Variants in ATP6V0A1 observed in about 807,000 individuals in gnomAD.
The protein encoded by ATP6V0A1 is ATPase H+ transporting V0 subunit a1.
A neutral mutation model predicts 105.4 loss-of-function variants in ATP6V0A1; 43 were observed. The observed-to-expected ratio is 0.41, with a 90% CI of 0.32 to 0.53. The LOEUF is 0.53. Ranked by LOEUF, ATP6V0A1 falls within the 20% of genes least tolerant of loss-of-function variation. The probability of loss-of-function intolerance (pLI) is 0.30; values close to 1 mark genes in which losing one functional copy is unlikely to be tolerated. For missense variants in ATP6V0A1, 676 were observed against 1,051.1 expected (o/e 0.64, Z 4.93); for synonymous variants, 362 against 372.8 (o/e 0.97, Z 0.33).
intron 2 of ATP6V0A1, among the ~76,000 whole-genome samples, chr17:42,464,692 C>T (rs536675599): frequency 6.6e-6 from 1 of 152,226 alleles, no homozygotes; most frequent in East Asian, 1.9e-4. Context: ...CGTGAGCCAC[C>T]GTGCCCGGCC....
chr17:42,514,033 T>C, intron 20 of ATP6V0A1, 55 bp downstream of exon 20: 1 of 1,549,970 alleles, frequency 6.5e-7, no homozygotes, highest in Non-Finnish European at 8.9e-7. Context: ...GTGGGCGCAC[T>C]GTCAGTTGGG....
chr17:42,484,303 T>G (rs573889766), intron 9 of ATP6V0A1, among the ~76,000 whole-genome samples: 7 of 152,256 alleles, frequency 4.6e-5, no homozygotes, highest in Non-Finnish European at 5.9e-5. Context: ...GTGATCTGCC[T>G]GCCTCGGTCT....
At chr17:42,512,138 T>G (rs1348631982) in intron 19 of ATP6V0A1, among the ~76,000 whole-genome samples, 2 of 152,138 alleles carry the variant, frequency 1.3e-5, no homozygotes, top group Admixed American at 6.5e-5. Context: ...TCATGGCCGA[T>G]TGATACGGGC....
chr17:42,480,507 G>A (rs2089355220), intron 7 of ATP6V0A1, 160 bp from the exon 8 acceptor site: 1 of 578,620 alleles, frequency 1.7e-6, no homozygotes, highest in Non-Finnish European at 2.9e-6. Flanking sequence ...TTCTTGTAGT[G>A]AAGCTTAGGA....
intron 2 of ATP6V0A1, among the ~76,000 whole-genome samples, chr17:42,462,774 TATAAC>T (rs2086578123): frequency 6.6e-6 from 1 of 151,538 alleles, no homozygotes; most frequent in African/African-American, 2.4e-5. Context: ...TAATAAAATT[TATAAC>T]ATTAAGAAAA....
At chr17:42,469,587 C>T (rs2087601941) in intron 4 of ATP6V0A1, among the ~76,000 whole-genome samples, 1 of 152,074 alleles carries the variant, frequency 6.6e-6, no homozygotes, top group Non-Finnish European at 1.5e-5. Flanking sequence ...CCACCCACCT[C>T]AGACTCCCTA....
intron 21 of ATP6V0A1, chr17:42,520,765 CAG>C: frequency 4.2e-6 from 2 of 476,756 alleles, no homozygotes; most frequent in South Asian, 2.0e-5. Context: ...TGCCTCTCTG[CAG>C]AGAGTTGTGC....
intron 7 of ATP6V0A1, 139 bp downstream of exon 7, chr17:42,478,728 A>T (rs529905174): frequency 2.2e-6 from 2 of 911,530 alleles, no homozygotes; most frequent in Admixed American, 3.9e-5. Context: ...GGAGAATTTG[A>T]AGTACTTCCT....
chr17:42,479,652 T>C (rs763981780), intron 7 of ATP6V0A1, among the ~76,000 whole-genome samples: 1 of 152,214 alleles, frequency 6.6e-6, no homozygotes, highest in Non-Finnish European at 1.5e-5. Flanking sequence ...TTTCTCAGAT[T>C]GGGTGGGCTG....
intron 4 of ATP6V0A1, among the ~76,000 whole-genome samples, chr17:42,469,252 A>T (rs967920169): frequency 6.6e-6 from 1 of 152,146 alleles, no homozygotes; most frequent in Non-Finnish European, 1.5e-5. Context: ...AAAGTTACCA[A>T]GTATACAATA....
intron 21 of ATP6V0A1, chr17:42,520,785 C>G (rs1290362431): frequency 2.0e-6 from 1 of 507,130 alleles, no homozygotes; most frequent in Non-Finnish European, 3.6e-6. Flanking sequence ...TGCATAAACA[C>G]ACTGCTCGGC....
chr17:42,504,475 T>C (rs931722869), intron 17 of ATP6V0A1, among the ~76,000 whole-genome samples: 1 of 152,100 alleles, frequency 6.6e-6, no homozygotes, highest in African/African-American at 2.4e-5. Context: ...GAAGCCTTCC[T>C]CCTATATCTT....
intron 8 of ATP6V0A1, among the ~76,000 whole-genome samples, chr17:42,481,548 A>G (rs563673696): frequency 1.1e-4 from 16 of 152,246 alleles, no homozygotes; most frequent in South Asian, 1.0e-3. Flanking sequence ...AAATACCATC[A>G]GAACCACAGT....
In ATP6V0A1 at chr17:42,521,322, G is replaced by A; in HGVS notation, c.*202G>A. ...TGTGTAGTGTAGTGATTTTCTGGCTGTCACTCATACTCACTGGGCACCAGC... is the reference window on the plus strand; with the variant it reads ...TGTGTAGTGTAGTGATTTTCTGGCTATCACTCATACTCACTGGGCACCAGC... On this transcript the variant is annotated 3_prime_UTR_variant, in exon 22 of 22. Coordinates refer to ENST00000343619, the MANE Select transcript of ATP6V0A1 (RefSeq NM_001130021.3). The surrounding 1 kb of genome is among the most constrained non-coding windows in gnomAD (Gnocchi z 4.8). 2.5e-6 allele frequency: 1 copy of A among 407,948 alleles called. No individual in the cohort carries two copies. Among genetic ancestry groups the A allele is most frequent in the Non-Finnish European group, 4.3e-6 (1 of 230,270 alleles). 25.3% of individuals were successfully genotyped at this position (407,948 alleles called of 1,614,324 possible).
chr17:42,520,208 G>A, intron 21 of ATP6V0A1: 1 of 347,688 alleles, frequency 2.9e-6, no homozygotes, highest in Non-Finnish European at 5.7e-6. Context: ...GCTCTCCTTG[G>A]CCTTTTTATC....
Position 42,501,186 on chromosome 17 carries a change from T to C in ATP6V0A1, c.1897-11T>C. ...TATATGATGTACCTTGTCCTTCTTCTTACTCTGCAGAAAGGAATTCAGTGT... is the reference window on the plus strand; with the variant it reads ...TATATGATGTACCTTGTCCTTCTTCCTACTCTGCAGAAAGGAATTCAGTGT... On this transcript the variant is annotated splice_polypyrimidine_tract_variant and intron_variant, in intron 16 of 21. Transcript: ENST00000343619. 6.2e-7 allele frequency: 1 copy of C among 1,602,576 alleles called. No individual in the cohort carries two copies. Among genetic ancestry groups the C allele is most frequent in the East Asian group, 2.2e-5 (1 of 44,822 alleles).
At chr17:42,498,199 G>A (rs2091362426) in intron 14 of ATP6V0A1, among the ~76,000 whole-genome samples, 1 of 152,090 alleles carries the variant, frequency 6.6e-6, no homozygotes, top group Non-Finnish European at 1.5e-5. Flanking sequence ...CATGAACACT[G>A]CACTCCATCC....
Position 42,483,128 on chromosome 17 carries a change from A to G in ATP6V0A1, c.807A>G (p.Gln269=), listed in dbSNP as rs746654866. ...TGAATACCAGGATTGATGATCTCCA[A>G]ATGGTATGCAGAAGGCTGGAGGGAA... The part of the protein sequence containing the change: ...SGVNTRIDDL[Q]MVLNQTEDHR... Residue 269 remains glutamine, a synonymous_variant, in exon 9 of 22, where the codon CAA becomes CAG. Coordinates refer to ENST00000343619, the MANE Select transcript of ATP6V0A1 (RefSeq NM_001130021.3). The G allele has an allele frequency of 7.9e-6, 12 of 1,525,092 alleles. No homozygotes were observed. The highest frequency in any genetic ancestry group is 1.7e-4 in the Middle Eastern group (1 of 5,770). 94.5% of individuals were successfully genotyped at this position (1,525,092 alleles called of 1,614,324 possible). A position where few individuals can be genotyped will look rare whatever the true frequency, so the allele number is the denominator to read the frequency against.
intron 15 of ATP6V0A1, among the ~76,000 whole-genome samples, chr17:42,499,788 A>G (rs922855406): frequency 2.7e-4 from 38 of 141,272 alleles, no homozygotes; most frequent in African/African-American, 1.0e-3. Context: ...ACTCCATCTC[A>G]AAAAAAAAAA....
Sources: allele counts gnomAD v4.1 joint callset (sites outside exome capture counted in the v4.1 genomes callset), GRCh38; gene constraint gnomAD v4.1.1; non-coding constraint Gnocchi (gnomAD v3.1); transcripts MANE v1.5; gene names NCBI Gene and HGNC (gene_info 2026-07-23, HGNC 2026-07-21).